Variants in THEMIS observed in about 807,000 individuals in gnomAD.
THEMIS encodes thymocyte selection associated, also known as protein THEMIS.
Under a neutral mutation model 52.6 loss-of-function variants are expected in THEMIS, and 37 were observed. That is an observed-to-expected ratio of 0.70 (90% CI 0.54 to 0.93). The LOEUF (loss-of-function observed/expected upper bound fraction) is 0.93, where lower values mean the gene tolerates loss of function less well. Ranked by LOEUF, THEMIS falls within the 40% of genes least tolerant of loss-of-function variation. The probability of loss-of-function intolerance (pLI) is 0.00; values close to 1 mark genes in which losing one functional copy is unlikely to be tolerated. For missense variants in THEMIS, 808 were observed against 763.1 expected, an observed-to-expected ratio of 1.06 and a Z score of -0.69; for synonymous variants, 292 against 272.7, an observed-to-expected ratio of 1.07 and a Z score of -0.70.
intron 4 of THEMIS, among the ~76,000 whole-genome samples, chr6:127,776,867 T>C (rs577349434): frequency 6.6e-6 from 1 of 152,228 alleles, no homozygotes; most frequent in African/African-American, 2.4e-5. Flanking sequence ...CATACACATA[T>C]AAGAAATGTG....
rs1219186357 is a variant in THEMIS at position 127,711,537 on chromosome 6, T to C, written c.1895-1521A>G. Among the ~76,000 whole-genome samples the C allele has an allele frequency of 2.6e-5, 4 of 151,968 alleles. No individual in the cohort carries two copies. In the East Asian group the frequency reaches 7.8e-4, roughly 29 times the overall value. ...GGGTTGATGGTGAAGAGAACCTGGA[T>C]TGCATACTCTCCTAGATTTCCTTCC... On this transcript the variant is annotated intron_variant, in intron 5 of 5. Coordinates refer to ENST00000368248, the MANE Select transcript of THEMIS (RefSeq NM_001010923.3).
chr6:127,737,476 A>G (rs1293690272), intron 4 of THEMIS, among the ~76,000 whole-genome samples: 3 of 152,196 alleles, frequency 2.0e-5, no homozygotes, highest in Admixed American at 1.3e-4. Flanking sequence ...GAGCCAAGTA[A>G]GTATTCAAAT....
At chr6:127,850,916 C>G (rs74739527) in intron 2 of THEMIS, among the ~76,000 whole-genome samples, 1,528 of 151,698 alleles carry the variant, frequency 0.01, 15 homozygotes, top group Middle Eastern at 0.02. Flanking sequence ...TAACCTGTCT[C>G]TAAGAAAGCC....
At chr6:127,777,678 G>GA (rs955343257) in intron 4 of THEMIS, among the ~76,000 whole-genome samples, 7 of 152,210 alleles carry the variant, frequency 4.6e-5, no homozygotes, top group Middle Eastern at 3.4e-3. Context: ...CCAGATAATG[G>GA]ACAAACACCA....
At position 127,829,702 on chromosome 6, in the gene THEMIS, G is replaced by C; in HGVS notation, c.483C>G (p.His161Gln). The change falls in exon 3 of 6, where the codon CAC (histidine) becomes CAG (glutamine). Residue 161 changes from histidine (H) to glutamine (Q), a missense_variant. Transcript: ENST00000368248. ...SCAVARNHQT[H>Q]SFNLPLSQEG... is the part of the protein sequence containing the mutation. ...CTTGTGACAAAGGCAAATTAAATGA[G>C]TGAGTTTGATGATTCCTTGCTACTG... The C allele has an allele frequency of 6.2e-7, 1 of 1,614,076 alleles. No individual in the cohort carries two copies. Among genetic ancestry groups the C allele is most frequent in the Non-Finnish European group, 8.5e-7 (1 of 1,180,012 alleles).
At chr6:127,858,029 T>G (rs531593880) in intron 1 of THEMIS, among the ~76,000 whole-genome samples, 2 of 152,208 alleles carry the variant, frequency 1.3e-5, no homozygotes, top group East Asian at 3.9e-4. Flanking sequence ...TGGGCTTAAT[T>G]TCAGTGCACT....
Position 127,843,275 on chromosome 6 carries a change from CT to C in THEMIS, c.250+11754del, listed in dbSNP as rs869130892. ...ACGTTGATTGACAAAAATATCACCT[CT>C]TTTTTTTTTTCTATGATTAAGCAAG... is the stretch of plus-strand genomic sequence containing the variant. On this transcript the variant is annotated intron_variant, in intron 2 of 5. Coordinates refer to ENST00000368248, the MANE Select transcript of THEMIS (RefSeq NM_001010923.3). Among the ~76,000 whole-genome samples, 708 of 145,964 alleles carry C rather than the reference CT, an allele frequency of 4.9e-3. 4 individuals carry two copies. Among genetic ancestry groups the C allele is most frequent in the African/African-American group, 9.8e-3 (392 of 40,102 alleles).
chr6:127,783,002 T>C (rs1776800752), intron 4 of THEMIS, among the ~76,000 whole-genome samples: 2 of 152,110 alleles, frequency 1.3e-5, no homozygotes, highest in South Asian at 2.1e-4. Context: ...TACAAGGCTA[T>C]AGTAACCAGA....
chr6:127,881,970 T>C (rs1780497575), intron 1 of THEMIS, among the ~76,000 whole-genome samples: 1 of 147,030 alleles, frequency 6.8e-6, no homozygotes, highest in African/African-American at 2.5e-5. Flanking sequence ...ACAAGTTATA[T>C]AGTAGCTGAA....
intron 3 of THEMIS, 71 bp downstream of exon 3, chr6:127,829,405 C>T: frequency 8.0e-7 from 1 of 1,252,546 alleles, no homozygotes; most frequent in Admixed American, 2.3e-5. Context: ...ATTCTTCAGG[C>T]TCTAAAATCT....
At position 127,813,512 on chromosome 6, in the gene THEMIS, G is replaced by A; in HGVS notation, c.1129C>T (p.His377Tyr). 1.2e-6 allele frequency: 2 copies of A among 1,613,800 alleles called. No individual in the cohort carries two copies. Among genetic ancestry groups the A allele is most frequent in the Non-Finnish European group, 1.7e-6 (2 of 1,179,920 alleles). ...VVATKAFHSPHDKLSSVSVGD... is the reference protein window; with the variant it reads ...VVATKAFHSPYDKLSSVSVGD... ...ACAGATACGGATGACAGCTTGTCAT[G>A]AGGGGAATGAAACGCTTTGGTGGCC... is the stretch of plus-strand genomic sequence containing the variant. Residue 377 changes from histidine (H) to tyrosine (Y), a missense_variant, in exon 4 of 6, where the codon CAT (histidine) becomes TAT (tyrosine). Transcript: ENST00000368248.
chr6:127,751,605 T>C (rs1181029902), intron 4 of THEMIS, among the ~76,000 whole-genome samples: 2 of 151,602 alleles, frequency 1.3e-5, no homozygotes, highest in African/African-American at 4.8e-5. Context: ...TCAATAAAAA[T>C]AAAAGTGTAA....
intron 3 of THEMIS, among the ~76,000 whole-genome samples, chr6:127,825,545 C>T (rs1447448824): frequency 6.6e-6 from 1 of 152,052 alleles, no homozygotes; most frequent in Non-Finnish European, 1.5e-5. Context: ...GGAAGGTTGG[C>T]CTGCATAAAA....
At chr6:127,859,516 A>C (rs1159935716) in intron 1 of THEMIS, among the ~76,000 whole-genome samples, 3 of 152,122 alleles carry the variant, frequency 2.0e-5, no homozygotes, top group African/African-American at 7.2e-5. Context: ...TTAGATGATT[A>C]GTGAATGTTG....
At chr6:127,724,792 A>G (rs957199965) in intron 4 of THEMIS, among the ~76,000 whole-genome samples, 2 of 152,140 alleles carry the variant, frequency 1.3e-5, no homozygotes, top group Non-Finnish European at 2.9e-5. Flanking sequence ...TGTCTCACAA[A>G]CAAAGAAAGG....
Position 127,714,340 on chromosome 6 carries a change from A to G in THEMIS, c.1895-4324T>C, listed in dbSNP as rs868292230. On this transcript the variant is annotated intron_variant, in intron 5 of 5. Coordinates refer to ENST00000368248, the MANE Select transcript of THEMIS (RefSeq NM_001010923.3). ...TTTAAATAAGTGTAGATGTGTTCCA[A>G]TAAAACTTTATTCATAGATATTAAA... 7.3e-5 allele frequency among the ~76,000 whole-genome samples: 11 copies of G among 151,624 alleles called. No homozygotes were observed. The Middle Eastern group carries it at 0.017, about 234-fold the overall frequency.
chr6:127,802,343 C>A (rs945056863), intron 4 of THEMIS, among the ~76,000 whole-genome samples: 4 of 152,188 alleles, frequency 2.6e-5, no homozygotes, highest in African/African-American at 7.2e-5. Flanking sequence ...TATGTCAGAT[C>A]TAACGAGGGA....
chr6:127,733,086 T>A (rs1388511171), intron 4 of THEMIS, among the ~76,000 whole-genome samples: 1 of 152,238 alleles, frequency 6.6e-6, no homozygotes, highest in East Asian at 1.9e-4. Flanking sequence ...ACTGATGAGA[T>A]TAAATAACTT....
intron 1 of THEMIS, among the ~76,000 whole-genome samples, chr6:127,872,197 G>C (rs1466722532): frequency 6.6e-6 from 1 of 152,100 alleles, no homozygotes; most frequent in Non-Finnish European, 1.5e-5. Flanking sequence ...GCTAAAAAAA[G>C]GTATGGCAGC....
Sources: gnomAD v4.1 joint callset for allele counts (sites outside exome capture counted in the v4.1 genomes callset) on GRCh38, gnomAD v4.1.1 for gene constraint, MANE v1.5 for transcripts, NCBI Gene and HGNC (gene_info 2026-07-23, HGNC 2026-07-21) for gene names.